Variants in BIN2 observed in about 807,000 individuals in gnomAD.
BIN2 encodes the protein breast cancer associated protein BRAP1.
Under a neutral mutation model 67.9 loss-of-function variants are expected in BIN2, and 43 were observed. That is an observed-to-expected ratio of 0.63 (90% CI 0.50 to 0.82). BIN2 has a LOEUF of 0.82. Ranked by LOEUF, BIN2 falls within the 40% of genes least tolerant of loss-of-function variation. The pLI is 0.00. For missense variants in BIN2, 581 were observed against 671.6 expected, an observed-to-expected ratio of 0.87 and a Z score of 1.49; for synonymous variants, 244 against 246.8, an observed-to-expected ratio of 0.99 and a Z score of 0.11.
At chr12:51,299,003 G>A (rs958773083) in intron 7 of BIN2, among the ~76,000 whole-genome samples, 200 bp downstream of exon 7, 8 of 151,774 alleles carry the variant, frequency 5.3e-5, no homozygotes, top group African/African-American at 1.2e-4. Context: ...AACTAGGGAG[G>A]TGGAGGTTGC....
intron 7 of BIN2, 107 bp from the exon 8 acceptor site, chr12:51,297,271 T>C (rs1477720545): frequency 1.8e-6 from 2 of 1,114,160 alleles, no homozygotes; most frequent in East Asian, 2.5e-5. Flanking sequence ...CCAAGGCTCC[T>C]AAATGAAAGC....
chr12:51,294,732 A>G (rs899330568), intron 9 of BIN2, among the ~76,000 whole-genome samples: 1 of 73,512 alleles, frequency 1.4e-5, no homozygotes, highest in African/African-American at 2.9e-5. Context: ...TGCACACATA[A>G]AACAACACAC....
rs1233627634 is a variant in BIN2 at position 51,292,304 on chromosome 12, T to C, written c.802A>G (p.Thr268Ala). Residue 268 changes from threonine (T) to alanine (A), a missense_variant, in exon 10 of 13, where the codon ACA becomes GCA. By Grantham distance (58) the Thr-to-Ala change is moderately conservative (BLOSUM62 0). Coordinates refer to ENST00000615107, the MANE Select transcript of BIN2 (RefSeq NM_016293.4). ...RSLVISPPVR[T>A]ATVSSPLTSP... ...GTAAGAGGACTGGAGACTGTAGCTG[T>C]TCGAACTGGGGGAGAAATGACTAAA... 2 of 1,597,004 alleles carry C rather than the reference T, an allele frequency of 1.3e-6. No individual in the cohort carries two copies. The highest frequency in any genetic ancestry group is 2.2e-5 in the South Asian group (2 of 90,946).
At chr12:51,296,912 T>C (rs1945580854) in intron 8 of BIN2, among the ~76,000 whole-genome samples, 177 bp downstream of exon 8, 1 of 152,184 alleles carries the variant, frequency 6.6e-6, no homozygotes, top group Non-Finnish European at 1.5e-5. Context: ...TCGGATAGTG[T>C]ATATATGTGT....
Position 51,291,758 on chromosome 12 carries a change from C to G in BIN2, c.1348G>C (p.Ala450Pro). ...SGGGSPTSPR[A>P]SLGTGTASPR... is the part of the protein sequence containing the mutation. ...CTTGCAGTCCCAGTCCCCAAGGAGGCCCTAGGGCTGGTGGGTGAACCCCCT... is the reference window on the plus strand; with the variant it reads ...CTTGCAGTCCCAGTCCCCAAGGAGGGCCTAGGGCTGGTGGGTGAACCCCCT... The change falls in exon 10 of 13, where the codon GCC becomes CCC. Residue 450 changes from alanine (A) to proline (P), a missense_variant. Physicochemically the swap from Ala to Pro is conservative, Grantham distance 27. Transcript: ENST00000615107. 1 of 1,613,566 alleles carries G rather than the reference C, an allele frequency of 6.2e-7. No individual in the cohort carries two copies.
chr12:51,309,898 C>A (rs528432590), intron 2 of BIN2, among the ~76,000 whole-genome samples: 3 of 152,134 alleles, frequency 2.0e-5, no homozygotes, highest in African/African-American at 7.2e-5. Context: ...GAATCAGAAA[C>A]CTTCCACAGT....
intron 9 of BIN2, among the ~76,000 whole-genome samples, chr12:51,292,549 T>C (rs1018667008): frequency 3.9e-5 from 6 of 152,150 alleles, no homozygotes; most frequent in African/African-American, 1.2e-4. Context: ...TGTAAAAATA[T>C]GTACAGAGAA....
intron 2 of BIN2, among the ~76,000 whole-genome samples, chr12:51,311,114 T>C (rs1261996498): frequency 6.6e-6 from 1 of 151,398 alleles, no homozygotes; most frequent in East Asian, 1.9e-4. Context: ...TTTTTTCTTT[T>C]GAGACAGGGT....
Position 51,293,206 on chromosome 12 carries a change from A to T in BIN2, c.762-862T>A, listed in dbSNP as rs117491712. 5.6e-3 allele frequency among the ~76,000 whole-genome samples: 845 copies of T among 152,152 alleles called. 31 individuals are homozygous for T. The East Asian group carries it at 0.1, about 19-fold the overall frequency. ...ATGAACAACAAGAATCAACTATAAC[A>T]TCTATCAAGTAGCTGCTATGTGCTG... On this transcript the variant is annotated intron_variant, in intron 9 of 12. Coordinates refer to ENST00000615107, the MANE Select transcript of BIN2 (RefSeq NM_016293.4).
intron 10 of BIN2, among the ~76,000 whole-genome samples, chr12:51,288,827 G>A (rs1480576432): frequency 6.6e-6 from 1 of 150,640 alleles, no homozygotes; most frequent in Non-Finnish European, 1.5e-5. Flanking sequence ...TTGGCTTACT[G>A]CAACTTCTGC....
chr12:51,315,647 A>C (rs1244669933), intron 1 of BIN2, among the ~76,000 whole-genome samples: 1 of 152,154 alleles, frequency 6.6e-6, no homozygotes, highest in Non-Finnish European at 1.5e-5. Context: ...CTCTAGATAG[A>C]TGAGGTTAGA....
intron 2 of BIN2, among the ~76,000 whole-genome samples, chr12:51,304,994 G>T (rs1293409044): frequency 6.6e-6 from 1 of 150,584 alleles, no homozygotes; most frequent in African/African-American, 2.4e-5. Context: ...CTCCAGGCTG[G>T]GCGACAGAGC....
chr12:51,302,005 C>A lies in BIN2; in HGVS notation c.408+15G>T. On this transcript the variant is annotated intron_variant, in intron 5 of 12. Transcript: ENST00000615107. ...GGTCATCCACAACCCAGCCTTGATTCTGTACATTGAGTACCTTAATTTCAC... is the reference window on the plus strand; with the variant it reads ...GGTCATCCACAACCCAGCCTTGATTATGTACATTGAGTACCTTAATTTCAC... 6.3e-7 allele frequency: 1 copy of A among 1,585,056 alleles called. No homozygotes were observed. Among genetic ancestry groups the A allele is most frequent in the Non-Finnish European group, 8.7e-7 (1 of 1,154,534 alleles).
chr12:51,296,518 C>T (rs560772307), intron 8 of BIN2, among the ~76,000 whole-genome samples: 1 of 151,098 alleles, frequency 6.6e-6, no homozygotes. Flanking sequence ...AACCAAAAAA[C>T]CTCATTTTTA....
At chr12:51,317,674 A>T (rs952761536) in intron 1 of BIN2, among the ~76,000 whole-genome samples, 46 of 151,890 alleles carry the variant, frequency 3.0e-4, no homozygotes, top group Non-Finnish European at 4.7e-4. Flanking sequence ...AAAACAAAAA[A>T]TTAAATTAAA....
Position 51,291,550 on chromosome 12 carries a change from T to C in BIN2, c.1515+41A>G, listed in dbSNP as rs567595844. The C allele has an allele frequency of 5.3e-6, 8 of 1,521,556 alleles. No homozygotes were observed. In the South Asian group the frequency reaches 8.0e-5, roughly 15 times the overall value. The allele number at this position is 1,521,556 out of a possible 1,614,324, so 94.3% of individuals were successfully genotyped here. On this transcript the variant is annotated intron_variant, in intron 10 of 12. Transcript: ENST00000615107. The stretch of plus-strand genomic sequence containing the variant: ...TGAGTGAGACCCTAGCTTAAATAAA[T>C]AAATTAATTAAATTAAATACCCAAC...
In BIN2 at chr12:51,287,759, C is replaced by T. The variant is rs574983099; in HGVS notation, c.1596+349G>A. Among the ~76,000 whole-genome samples, 89 of 152,050 alleles carry T rather than the reference C, an allele frequency of 5.9e-4. 1 individual carries two copies. Among genetic ancestry groups the T allele is most frequent in the African/African-American group, 1.8e-3 (75 of 41,490 alleles). On this transcript the variant is annotated intron_variant, in intron 11 of 12. Coordinates refer to ENST00000615107, the MANE Select transcript of BIN2 (RefSeq NM_016293.4). ...CTCCACCTCCCGGGTTCATGCCATTCTCCTGCCTCAGCCTCCCGAGTAGCT... is the reference window on the plus strand; with the variant it reads ...CTCCACCTCCCGGGTTCATGCCATTTTCCTGCCTCAGCCTCCCGAGTAGCT...
rs56781092 is a variant in BIN2 at position 51,283,263 on chromosome 12, CAAAAAA to C, written c.1668+1447_1668+1452del. Reference sequence around the variant, plus strand: ...TGGGCGACCGAGAGAGACTCCATCTCAAAAAAAAAAAAAAAAAAAAGTTCTGCTTAT... The same window carrying C: ...TGGGCGACCGAGAGAGACTCCATCTCAAAAAAAAAAAAAAGTTCTGCTTAT... On this transcript the variant is annotated intron_variant, in intron 12 of 12. Coordinates refer to ENST00000615107, the MANE Select transcript of BIN2 (RefSeq NM_016293.4). Among the ~76,000 whole-genome samples the C allele has an allele frequency of 1.0e-3, 129 of 125,620 alleles. No homozygotes were observed. The South Asian group carries it at 0.013, about 12-fold the overall frequency. The allele number at this position is 125,620 out of a possible 152,430, so 82.4% of individuals were successfully genotyped here. A position where few individuals can be genotyped will look rare whatever the true frequency, so the allele number is the denominator to read the frequency against.
At chr12:51,295,620 A>T (rs539547523) in intron 9 of BIN2, among the ~76,000 whole-genome samples, 176 bp downstream of exon 9, 2 of 88,778 alleles carry the variant, frequency 2.3e-5, no homozygotes, top group Admixed American at 1.2e-4. Context: ...ATATATATAT[A>T]TATATATATA....
Sources: allele counts gnomAD v4.1 joint callset (sites outside exome capture counted in the v4.1 genomes callset), GRCh38; gene constraint gnomAD v4.1.1; transcripts MANE v1.5; gene names NCBI Gene and HGNC (gene_info 2026-07-23, HGNC 2026-07-21).